Variants in DCT observed in about 807,000 individuals in gnomAD.
DCT encodes the protein L-dopachrome tautomerase.
In DCT, 47 loss-of-function variants were observed where a neutral mutation model predicts 53.0. The observed-to-expected ratio is 0.89, with a 90% CI of 0.70 to 1.13. DCT has a LOEUF of 1.13. Ranked by LOEUF, DCT falls within the 50% of genes most tolerant of loss-of-function variation. The pLI is 0.00. For missense variants in DCT, 669 were observed against 637.4 expected, an observed-to-expected ratio of 1.05 and a Z score of -0.53; for synonymous variants, 244 against 237.0, an observed-to-expected ratio of 1.03 and a Z score of -0.27.
At chr13:94,480,988 T>A (rs1204213778), upstream of DCT, among the ~76,000 whole-genome samples, 3 of 152,214 alleles carry the variant, frequency 2.0e-5, no homozygotes, top group African/African-American at 4.8e-5. Context: ...CTGGCGTGTG[T>A]CAGCCAGGCG....
At chr13:94,489,270 G>A in the DCT span, among the ~76,000 whole-genome samples, 4 of 152,104 alleles carry the variant, frequency 2.6e-5, no homozygotes, top group African/African-American at 4.8e-5. Flanking sequence ...TAAAGGAGGA[G>A]TTTCCTGGAA....
chr13:94,443,861 T>C (rs952953607), intron 6 of DCT, among the ~76,000 whole-genome samples: 1 of 152,140 alleles, frequency 6.6e-6, no homozygotes, highest in Non-Finnish European at 1.5e-5. Flanking sequence ...AGAAAAACAG[T>C]TAAGTTTTCA....
chr13:94,437,950 T>C lies in DCT; in HGVS notation c.*1948A>G, dbSNP rs1882004952. 1 of 152,190 alleles carries C rather than the reference T, an allele frequency of 6.6e-6. No individual in the cohort carries two copies. Among genetic ancestry groups the C allele is most frequent in the Admixed American group, 6.5e-5 (1 of 15,280 alleles). 9.4% of individuals were successfully genotyped at this position (152,190 alleles called of 1,614,324 possible). A position where few individuals can be genotyped will look rare whatever the true frequency, so the allele number is the denominator to read the frequency against. On this transcript the variant is annotated 3_prime_UTR_variant, in exon 8 of 8. Transcript: ENST00000377028. ...AGATAGATCTGCTTTAACCAAGTCT[T>C]ATGAGACTATGATATATGAGAATTC...
the DCT span, among the ~76,000 whole-genome samples, chr13:94,547,359 C>T: frequency 6.6e-6 from 1 of 152,054 alleles, no homozygotes; most frequent in African/African-American, 2.4e-5. Context: ...TCAAGTGATC[C>T]GCCCACCTCG....
rs2139384337 is a variant in DCT at position 94,479,406 on chromosome 13, A to G, written c.-151T>C. 1.3e-6 allele frequency: 1 copy of G among 745,862 alleles called. No homozygotes were observed. Among genetic ancestry groups the G allele is most frequent in the Non-Finnish European group, 2.1e-6 (1 of 472,704 alleles). 46.2% of individuals were successfully genotyped at this position (745,862 alleles called of 1,614,324 possible). Reference sequence around the variant, plus strand: ...CCTTTCTTCTTAAAAAAATACCCACAAGAATCACAGAGGTTACATGTGTGC... The same window carrying G: ...CCTTTCTTCTTAAAAAAATACCCACGAGAATCACAGAGGTTACATGTGTGC... On this transcript the variant is annotated 5_prime_UTR_variant, in exon 1 of 8. Transcript: ENST00000377028.
At chr13:94,501,259 A>T in the DCT span, among the ~76,000 whole-genome samples, 11,532 of 152,032 alleles carry the variant, frequency 0.076, 935 homozygotes, top group African/African-American at 0.2. Flanking sequence ...ACAGAGCAAG[A>T]CTCCGTCTCA....
At chr13:94,489,318 AG>A in the DCT span, among the ~76,000 whole-genome samples, 1 of 152,168 alleles carries the variant, frequency 6.6e-6, no homozygotes, top group Non-Finnish European at 1.5e-5. Flanking sequence ...AATCCCAGCA[AG>A]TTACTTTGTG....
chr13:94,468,704 C>T, intron 2 of DCT, 42 bp downstream of exon 2: 2 of 1,569,526 alleles, frequency 1.3e-6, no homozygotes, highest in Non-Finnish European at 1.7e-6. Context: ...AACCCAATCA[C>T]AAACCTGTAA....
intron 6 of DCT, chr13:94,444,522 T>A (rs763890208): frequency 1.7e-5 from 6 of 357,050 alleles, no homozygotes; most frequent in Non-Finnish European, 2.8e-5. Context: ...TTACTATATG[T>A]TTTGAAATAT....
the DCT span, among the ~76,000 whole-genome samples, chr13:94,496,934 C>T: frequency 2.0e-5 from 3 of 152,130 alleles, no homozygotes; most frequent in Non-Finnish European, 4.4e-5. Flanking sequence ...TGCTGGACGT[C>T]CTTCAAGACT....
chr13:94,472,234 A>G (rs935370203), intron 1 of DCT, among the ~76,000 whole-genome samples: 1 of 151,908 alleles, frequency 6.6e-6, no homozygotes, highest in African/African-American at 2.4e-5. Context: ...TATTTATTTA[A>G]CAAACAATTT....
intron 6 of DCT, among the ~76,000 whole-genome samples, chr13:94,459,660 C>T (rs772208897): frequency 6.6e-6 from 1 of 152,158 alleles, no homozygotes; most frequent in Non-Finnish European, 1.5e-5. Flanking sequence ...AAAGCTCACT[C>T]AAGTTGGAGT....
upstream of DCT, among the ~76,000 whole-genome samples, chr13:94,483,793 C>T (rs937890028): frequency 4.6e-5 from 7 of 152,206 alleles, no homozygotes; most frequent in Admixed American, 1.3e-4. Flanking sequence ...TGTGAGCCAC[C>T]GTGCCCGGCC....
At chr13:94,547,962 C>CAAAAAAA in the DCT span, among the ~76,000 whole-genome samples, 51 of 67,902 alleles carry the variant, frequency 7.5e-4, 8 homozygotes, top group African/African-American at 6.0e-3. Flanking sequence ...AACTCCGTCT[C>CAAAAAAA]AAAAAAAAAA....
intron 1 of DCT, among the ~76,000 whole-genome samples, chr13:94,472,543 TATATATATATA>T (rs1884752867): frequency 2.9e-5 from 1 of 34,694 alleles, no homozygotes. Flanking sequence ...TATATATATA[TATATATATATA>T]TATATATATA....
chr13:94,468,460 A>G (rs1248156461), intron 2 of DCT: 1 of 307,552 alleles, frequency 3.3e-6, no homozygotes, highest in Non-Finnish European at 6.1e-6. Context: ...CACCTCACCA[A>G]CTCACATCTT....
chr13:94,545,847 T>C, the DCT span, among the ~76,000 whole-genome samples: 1 of 151,994 alleles, frequency 6.6e-6, no homozygotes, highest in African/African-American at 2.4e-5. Flanking sequence ...TGAAAAGCCT[T>C]CTCAACCAAC....
chr13:94,528,733 T>C, the DCT span, among the ~76,000 whole-genome samples: 1 of 152,154 alleles, frequency 6.6e-6, no homozygotes, highest in African/African-American at 2.4e-5. Flanking sequence ...ACTGCATCAA[T>C]TAACGGGCAA....
chr13:94,525,490 G>A, the DCT span, among the ~76,000 whole-genome samples: 24 of 152,068 alleles, frequency 1.6e-4, no homozygotes, highest in African/African-American at 5.6e-4. Context: ...TCCATCCCTT[G>A]GTGTAGGAAT....
Sources: gnomAD v4.1 joint callset for allele counts (sites outside exome capture counted in the v4.1 genomes callset) on GRCh38, gnomAD v4.1.1 for gene constraint, MANE v1.5 for transcripts, NCBI Gene and HGNC (gene_info 2026-07-23, HGNC 2026-07-21) for gene names.